The following DLG2 variants were observed in gnomAD, a reference collection of about 807,000 sequenced individuals.
DLG2 encodes discs large MAGUK scaffold protein 2, also known as disks large homolog 2.
Under a neutral mutation model 132.5 loss-of-function variants are expected in DLG2, and 45 were observed. The ratio of observed to expected loss-of-function variants is 0.34; its 90% CI spans 0.27 to 0.44. DLG2 has a LOEUF of 0.44. DLG2 is among the 20% of genes least tolerant of loss of function. The probability of loss-of-function intolerance (pLI) is 1.00; values close to 1 mark genes in which losing one functional copy is unlikely to be tolerated. For missense variants in DLG2, 1,045 were observed against 1,196.9 expected, an observed-to-expected ratio of 0.87 and a Z score of 1.87; for synonymous variants, 424 against 419.6, an observed-to-expected ratio of 1.01 and a Z score of -0.13.
intron 6 of DLG2, among the ~76,000 whole-genome samples, chr11:84,844,080 T>A (rs1433911740): frequency 1.2e-5 from 1 of 84,462 alleles, no homozygotes; most frequent in Non-Finnish European, 2.7e-5. Context: ...TGTGTGTGTG[T>A]GTGTGTATAT....
chr11:84,794,894 C>T (rs754096180), intron 6 of DLG2, among the ~76,000 whole-genome samples: 16 of 152,300 alleles, frequency 1.1e-4, no homozygotes, highest in African/African-American at 3.4e-4. Context: ...CTGCAGGCAC[C>T]GCTTGGCATG....
chr11:85,227,369 T>C (rs552801634), intron 4 of DLG2, among the ~76,000 whole-genome samples: 1 of 152,194 alleles, frequency 6.6e-6, no homozygotes, highest in South Asian at 2.1e-4. Context: ...TAATGGATAA[T>C]AGTTTTTGGT....
chr11:84,285,477 T>G (rs889400336), intron 7 of DLG2, among the ~76,000 whole-genome samples: 1 of 152,188 alleles, frequency 6.6e-6, no homozygotes, highest in East Asian at 1.9e-4. Context: ...CAAATGCCAG[T>G]TCTTCTGCCT....
chr11:83,622,903 T>C (rs2061850680), intron 19 of DLG2, among the ~76,000 whole-genome samples: 1 of 152,214 alleles, frequency 6.6e-6, no homozygotes, highest in Non-Finnish European at 1.5e-5. Context: ...TGGAGTATTC[T>C]GTAGATGTCC....
At chr11:83,922,146 C>T (rs790377) in intron 15 of DLG2, among the ~76,000 whole-genome samples, 105,066 of 152,014 alleles carry the variant, frequency 0.69, 37,080 homozygotes, top group Middle Eastern at 0.83. Context: ...GAATATCTTC[C>T]CGCTAGTATC....
At chr11:84,732,647 A>G (rs936903612) in intron 6 of DLG2, among the ~76,000 whole-genome samples, 1 of 151,156 alleles carries the variant, frequency 6.6e-6, no homozygotes, top group Non-Finnish European at 1.5e-5. Flanking sequence ...ATATATATAA[A>G]TATATATTTA....
chr11:83,499,086 C>A (rs1206324628), intron 21 of DLG2, among the ~76,000 whole-genome samples: 1 of 151,936 alleles, frequency 6.6e-6, no homozygotes, highest in African/African-American at 2.4e-5. Flanking sequence ...ACACAGAAGC[C>A]CATGCCTAGA....
intron 2 of DLG2, among the ~76,000 whole-genome samples, chr11:85,620,094 C>A (rs973470528): frequency 1.3e-5 from 2 of 152,218 alleles, no homozygotes; most frequent in South Asian, 4.1e-4. Flanking sequence ...ATATTCACTT[C>A]ATGTCTCTGC....
intron 15 of DLG2, among the ~76,000 whole-genome samples, chr11:83,881,713 A>G (rs2066312812): frequency 6.6e-6 from 1 of 152,216 alleles, no homozygotes. Flanking sequence ...CACAGCAAGC[A>G]GAATGTTTAT....
At chr11:84,348,895 G>C (rs2098550427) in intron 7 of DLG2, among the ~76,000 whole-genome samples, 1 of 152,170 alleles carries the variant, frequency 6.6e-6, no homozygotes, top group Non-Finnish European at 1.5e-5. Context: ...AAAGTTAGGA[G>C]AGAAGCATGG....
rs1165668657 is a variant in DLG2 at position 84,428,150 on chromosome 11, C to A, written c.519+106420G>T. 2.6e-5 allele frequency among the ~76,000 whole-genome samples: 4 copies of A among 152,174 alleles called. No homozygotes were observed. In the East Asian group the frequency reaches 7.7e-4, roughly 29 times the overall value. ...CTCCAAAAGCATTTCATTCATTCCC[C>A]TTACCCTCTACTTCTCCTTTTTAAA... On this transcript the variant is annotated intron_variant, in intron 7 of 27. Transcript: ENST00000376104.
intron 6 of DLG2, among the ~76,000 whole-genome samples, chr11:84,595,816 C>T (rs2099555427): frequency 6.6e-6 from 1 of 152,156 alleles, no homozygotes; most frequent in African/African-American, 2.4e-5. Flanking sequence ...TTTAAAGTCA[C>T]AGATTGAAAA....
At chr11:84,572,367 G>C (rs1026477211) in intron 6 of DLG2, among the ~76,000 whole-genome samples, 1 of 152,100 alleles carries the variant, frequency 6.6e-6, no homozygotes, top group South Asian at 2.1e-4. Context: ...TGTTGTAGTA[G>C]CTTCAGCCTA....
chr11:83,976,003 A>G (rs1473400819), intron 12 of DLG2, among the ~76,000 whole-genome samples: 1 of 151,942 alleles, frequency 6.6e-6, no homozygotes, highest in Non-Finnish European at 1.5e-5. Context: ...ACCAAGCAAG[A>G]GTTGATAAAA....
chr11:84,250,728 G>A (rs1457251603), intron 8 of DLG2, among the ~76,000 whole-genome samples: 1 of 152,148 alleles, frequency 6.6e-6, no homozygotes, highest in Non-Finnish European at 1.5e-5. Flanking sequence ...TGGTTTGCTT[G>A]ATCCTATTAT....
intron 10 of DLG2, among the ~76,000 whole-genome samples, chr11:84,066,061 C>G (rs1444649815): frequency 1.3e-5 from 2 of 152,034 alleles, no homozygotes; most frequent in Admixed American, 1.3e-4. Context: ...TTACTGGGTC[C>G]TACTTGAGAG....
At chr11:84,894,442 C>A (rs1350000968) in intron 6 of DLG2, among the ~76,000 whole-genome samples, 1 of 152,082 alleles carries the variant, frequency 6.6e-6, no homozygotes, top group Non-Finnish European at 1.5e-5. Context: ...TGTTAAGCTC[C>A]AAATTATGGC....
At chr11:84,539,135 T>C (rs2099362141) in intron 6 of DLG2, among the ~76,000 whole-genome samples, 1 of 152,202 alleles carries the variant, frequency 6.6e-6, no homozygotes, top group Admixed American at 6.6e-5. Context: ...TTTATATCCA[T>C]CATCACCATA....
intron 3 of DLG2, among the ~76,000 whole-genome samples, chr11:85,583,118 GTGTGTGTGTGTGTATATATATATA>G (rs1453168766): frequency 4.0e-3 from 235 of 58,496 alleles, no homozygotes; most frequent in Non-Finnish European, 5.5e-3. Context: ...GTGTGTGTGT[GTGTGTGTGTGTGTATATATATATA>G]TATATATATA....
Sources: gnomAD v4.1 joint callset for allele counts (sites outside exome capture counted in the v4.1 genomes callset) on GRCh38, gnomAD v4.1.1 for gene constraint, MANE v1.5 for transcripts, NCBI Gene and HGNC (gene_info 2026-07-23, HGNC 2026-07-21) for gene names.